The following ANKRD28 variants were observed in gnomAD, a reference collection of about 807,000 sequenced individuals.
ANKRD28 encodes the protein serine/threonine-protein phosphatase 6 regulatory ankyrin repeat subunit A.
A neutral mutation model predicts 126.5 loss-of-function variants in ANKRD28; 44 were observed. That is an observed-to-expected ratio of 0.35 (90% CI 0.27 to 0.45). The LOEUF (loss-of-function observed/expected upper bound fraction) is 0.45. ANKRD28 is among the 20% of genes least tolerant of loss of function. The pLI is 1.00. For missense variants in ANKRD28, 1,110 were observed against 1,316.6 expected (o/e 0.84, Z 2.43); for synonymous variants, 442 against 468.5 (o/e 0.94, Z 0.73).
Position 15,776,700 on chromosome 3 carries a change from C to T in ANKRD28, c.202-10388G>A, listed in dbSNP as rs545409084. ...TGATGTTCTGTTTTCTGATCTGGGTCGTGGTGACATTCACATATTCATTAA... is the reference window on the plus strand; with the variant it reads ...TGATGTTCTGTTTTCTGATCTGGGTTGTGGTGACATTCACATATTCATTAA... On this transcript the variant is annotated intron_variant, in intron 2 of 27. Transcript: ENST00000683139. Among the ~76,000 whole-genome samples the T allele has an allele frequency of 4.6e-5, 7 of 152,136 alleles. No homozygotes were observed. In the South Asian group the frequency reaches 6.2e-4, roughly 14 times the overall value.
chr3:15,728,699 C>T (rs891167030), intron 6 of ANKRD28, among the ~76,000 whole-genome samples: 3 of 152,212 alleles, frequency 2.0e-5, no homozygotes, highest in African/African-American at 7.2e-5. Context: ...CACAATCTCT[C>T]TGATCTCTGC....
upstream of ANKRD28, among the ~76,000 whole-genome samples, chr3:15,798,604 G>C (rs1377551773): frequency 6.6e-6 from 1 of 151,852 alleles, no homozygotes; most frequent in Non-Finnish European, 1.5e-5. Context: ...CTTCCCATTT[G>C]GATAGGGAAT....
chr3:15,776,017 A>G (rs1464409882), intron 2 of ANKRD28, among the ~76,000 whole-genome samples: 1 of 152,160 alleles, frequency 6.6e-6, no homozygotes, highest in Admixed American at 6.5e-5. Context: ...GGGGCCTCAA[A>G]TAGCTCAGAT....
chr3:15,796,368 G>T, intron 1 of ANKRD28, 37 bp downstream of exon 1: 3 of 1,202,950 alleles, frequency 2.5e-6, no homozygotes, highest in Non-Finnish European at 3.3e-6. Flanking sequence ...TACTAGTTCA[G>T]TAGAATATAG....
chr3:15,744,163 T>C (rs953782227), intron 4 of ANKRD28, among the ~76,000 whole-genome samples: 1 of 152,222 alleles, frequency 6.6e-6, no homozygotes, highest in Non-Finnish European at 1.5e-5. Context: ...TTTCTAGCAG[T>C]TTTACTACTT....
chr3:15,681,760 G>A (rs1225737786), intron 21 of ANKRD28, among the ~76,000 whole-genome samples: 3 of 152,064 alleles, frequency 2.0e-5, no homozygotes, highest in African/African-American at 7.3e-5. Context: ...TTGCCCATCA[G>A]CAGATATTGT....
At chr3:15,857,822 A>T (rs2061807425) in intron 1 of ANKRD28, among the ~76,000 whole-genome samples, 1 of 152,264 alleles carries the variant, frequency 6.6e-6, no homozygotes, top group Admixed American at 6.5e-5. Flanking sequence ...CTAAATCACA[A>T]AAACAACTTT....
At chr3:15,798,490 T>C (rs2060375805), upstream of ANKRD28, among the ~76,000 whole-genome samples, 1 of 152,178 alleles carries the variant, frequency 6.6e-6, no homozygotes, top group Non-Finnish European at 1.5e-5. Context: ...CAATCATTGA[T>C]TCATATTTTA....
intron 4 of ANKRD28, among the ~76,000 whole-genome samples, chr3:15,741,723 T>C (rs1575478739): frequency 9.1e-6 from 1 of 109,754 alleles, no homozygotes; most frequent in South Asian, 3.1e-4. Context: ...TTTTTTTTTT[T>C]TTTTTTTTTT....
At chr3:15,776,451 C>A (rs1378641311) in intron 2 of ANKRD28, among the ~76,000 whole-genome samples, 1 of 152,154 alleles carries the variant, frequency 6.6e-6, no homozygotes, top group East Asian at 1.9e-4. Flanking sequence ...AACAAAATAG[C>A]ATTGCACAAA....
At position 15,788,510 on chromosome 3, in the gene ANKRD28, G is replaced by A. The variant is rs73147602; in HGVS notation, c.201+6713C>T. ...AACCTGTCAATTTTATAAAACTGTT[G>A]TACAAGTTAAATTGAGTAATACAAA... On this transcript the variant is annotated intron_variant, in intron 2 of 27. Transcript: ENST00000683139. Among the ~76,000 whole-genome samples the A allele has an allele frequency of 4.8e-3, 730 of 152,076 alleles. 5 individuals carry two copies. The highest frequency in any genetic ancestry group is 0.016 in the African/African-American group (666 of 41,504).
chr3:15,854,550 A>G lies in ANKRD28; in HGVS notation c.27+4827T>C, dbSNP rs1340593374. ...TATTGCAAAAGGTATCCAAAAAGTGAGGAAACACAGAACTTGTTTTTGAAC... is the reference window on the plus strand; with the variant it reads ...TATTGCAAAAGGTATCCAAAAAGTGGGGAAACACAGAACTTGTTTTTGAAC... On this transcript the variant is annotated intron_variant, in intron 1 of 27. Transcript: ENST00000399451. This position sits in a 1 kb window ranked among gnomAD's most constrained non-coding sequence, Gnocchi z 4.1. Among the ~76,000 whole-genome samples the G allele has an allele frequency of 6.6e-6, 1 of 152,258 alleles. No individual in the cohort carries two copies. Among genetic ancestry groups the G allele is most frequent in the Admixed American group, 6.5e-5 (1 of 15,288 alleles).
intron 21 of ANKRD28, among the ~76,000 whole-genome samples, chr3:15,683,336 A>G (rs1416725232): frequency 6.6e-6 from 1 of 152,204 alleles, no homozygotes; most frequent in Non-Finnish European, 1.5e-5. Flanking sequence ...TAAAATGTCA[A>G]GTCACATTAC....
At chr3:15,695,330 C>G (rs1217163092) in intron 15 of ANKRD28, 116 bp from the exon 16 acceptor site, 2 of 718,726 alleles carry the variant, frequency 2.8e-6, no homozygotes, top group Non-Finnish European at 4.7e-6. Context: ...CCTTTGGCTC[C>G]AAAAAATTAG....
At chr3:15,688,100 G>A (rs756090576) in intron 18 of ANKRD28, among the ~76,000 whole-genome samples, 2 of 152,096 alleles carry the variant, frequency 1.3e-5, no homozygotes, top group Non-Finnish European at 2.9e-5. Context: ...TGAACTATAT[G>A]GCATTGGTTA....
intron 6 of ANKRD28, chr3:15,731,860 AAAAAAAAAAAAAAAG>A (rs2074632247): frequency 8.0e-6 from 1 of 124,784 alleles, no homozygotes; most frequent in Admixed American, 8.0e-5. Flanking sequence ...AAAAAAAAAA[AAAAAAAAAAAAAAAG>A]GGGGGGGGGG....
At chr3:15,681,494 T>C (rs1267620301) in intron 21 of ANKRD28, among the ~76,000 whole-genome samples, 1 of 152,236 alleles carries the variant, frequency 6.6e-6, no homozygotes, top group Non-Finnish European at 1.5e-5. Context: ...AAATAAAATG[T>C]TGCTTATTTT....
intron 8 of ANKRD28, among the ~76,000 whole-genome samples, chr3:15,715,248 T>A (rs898467908): frequency 1.3e-5 from 2 of 152,202 alleles, no homozygotes; most frequent in African/African-American, 4.8e-5. Context: ...TGTCTTTTCT[T>A]TTCTAAAATC....
chr3:15,766,493 G>A (rs1033163294), intron 2 of ANKRD28, among the ~76,000 whole-genome samples, 181 bp from the exon 3 acceptor site: 5 of 151,956 alleles, frequency 3.3e-5, no homozygotes, highest in African/African-American at 7.3e-5. Context: ...TGACAAGCCC[G>A]GGCAACACAG....
Sources: allele counts gnomAD v4.1 joint callset (sites outside exome capture counted in the v4.1 genomes callset), GRCh38; gene constraint gnomAD v4.1.1; non-coding constraint Gnocchi (gnomAD v3.1); transcripts MANE v1.5; gene names NCBI Gene and HGNC (gene_info 2026-07-23, HGNC 2026-07-21).